Variants in YIPF1 observed in about 807,000 individuals in gnomAD.
YIPF1 encodes Yip1 domain family member 1.
YIPF1 carries 22 observed loss-of-function variants against 37.0 expected under a neutral mutation model. That is an observed-to-expected ratio of 0.59 (90% confidence interval 0.42 to 0.85). The LOEUF is 0.85. Among genes scored for constraint, YIPF1 ranks in the 40% least tolerant of loss-of-function variants. YIPF1 has a pLI of 0.00. For missense variants in YIPF1, 355 were observed against 373.1 expected, an observed-to-expected ratio of 0.95 and a Z score of 0.40; for synonymous variants, 128 against 131.9, an observed-to-expected ratio of 0.97 and a Z score of 0.21.
rs1381650919 is a variant in YIPF1 at position 53,889,458 on chromosome 1, C to G, written c.-264G>C. 6.4e-6 allele frequency: 1 copy of G among 156,618 alleles called. No homozygotes were observed. The highest frequency in any genetic ancestry group is 2.4e-5 in the African/African-American group (1 of 41,516). 9.7% of individuals were successfully genotyped at this position (156,618 alleles called of 1,614,324 possible). ...TGCGCGCTCCTCGCGGCCTCAGTTT[C>G]CTCATCTGTAAAATGGGTGCATAAC... On this transcript the variant is annotated 5_prime_UTR_variant, in exon 2 of 11. Coordinates refer to ENST00000072644, the MANE Select transcript of YIPF1 (RefSeq NM_018982.5).
At chr1:53,855,848 T>C (rs1649705622) in intron 10 of YIPF1, among the ~76,000 whole-genome samples, 1 of 152,198 alleles carries the variant, frequency 6.6e-6, no homozygotes, top group Admixed American at 6.5e-5. Context: ...AGCTCCCCTA[T>C]GATCCTGAGG....
intron 4 of YIPF1, 169 bp downstream of exon 4, chr1:53,882,944 G>A (rs903169113): frequency 1.1e-4 from 68 of 642,522 alleles, no homozygotes; most frequent in Admixed American, 9.4e-4. Flanking sequence ...TGTACTTACG[G>A]AAAGTAATGG....
chr1:53,887,756 G>A (rs1462592158), intron 3 of YIPF1, among the ~76,000 whole-genome samples: 2 of 152,188 alleles, frequency 1.3e-5, no homozygotes, highest in Non-Finnish European at 2.9e-5. Context: ...TTCAAATCCT[G>A]ATTTTATCCC....
chr1:53,857,189 C>T (rs1018131161), intron 10 of YIPF1, among the ~76,000 whole-genome samples: 40 of 152,360 alleles, frequency 2.6e-4, no homozygotes, highest in South Asian at 8.3e-4. Context: ...CCAGTCTAGA[C>T]TTCAGGTGAG....
chr1:53,864,252 C>A (rs527338465), intron 9 of YIPF1, among the ~76,000 whole-genome samples: 4 of 152,244 alleles, frequency 2.6e-5, no homozygotes, highest in Admixed American at 2.6e-4. Flanking sequence ...GAGAGTTGGT[C>A]ACAATGAAAA....
Position 53,853,736 on chromosome 1 carries a change from G to A in YIPF1, c.*9-1466C>T, listed in dbSNP as rs147842492. ...GAAAAGTGGCTGGAGAAAGCCAGAT[G>A]CTGTAATTTGCTGGCATGAAAGAAC... is the stretch of plus-strand genomic sequence containing the variant. On this transcript the variant is annotated intron_variant, in intron 10 of 10. Coordinates refer to ENST00000072644, the MANE Select transcript of YIPF1 (RefSeq NM_018982.5). 8.7e-3 allele frequency among the ~76,000 whole-genome samples: 1,332 copies of A among 152,300 alleles called. 26 individuals are homozygous for A. Among genetic ancestry groups the A allele is most frequent in the African/African-American group, 0.03 (1,248 of 41,542 alleles).
At chr1:53,882,650 A>C (rs1210993499) in intron 4 of YIPF1, among the ~76,000 whole-genome samples, 1 of 152,024 alleles carries the variant, frequency 6.6e-6, no homozygotes, top group Non-Finnish European at 1.5e-5. Context: ...GTAGAGGTGG[A>C]GTTTCACCAT....
chr1:53,877,979 G>A (rs1227512882), intron 6 of YIPF1, among the ~76,000 whole-genome samples: 1 of 152,158 alleles, frequency 6.6e-6, no homozygotes, highest in African/African-American at 2.4e-5. Context: ...ACAGGGTCTT[G>A]CTATGTTGCC....
At chr1:53,886,903 A>T (rs1047492079) in intron 3 of YIPF1, among the ~76,000 whole-genome samples, 16 of 151,928 alleles carry the variant, frequency 1.1e-4, no homozygotes, top group African/African-American at 3.6e-4. Context: ...TGTCCCACAC[A>T]GAAAGATGGC....
chr1:53,867,927 G>A (rs773822622), intron 7 of YIPF1, among the ~76,000 whole-genome samples: 1 of 152,204 alleles, frequency 6.6e-6, no homozygotes, highest in Non-Finnish European at 1.5e-5. Flanking sequence ...AGCACGCCCT[G>A]GAGGATTCCC....
chr1:53,881,061 G>A (rs1278836654), intron 4 of YIPF1, among the ~76,000 whole-genome samples: 1 of 151,848 alleles, frequency 6.6e-6, no homozygotes, highest in Non-Finnish European at 1.5e-5. Flanking sequence ...TAAGGAGTTC[G>A]AGACCAGCCT....
intron 6 of YIPF1, among the ~76,000 whole-genome samples, chr1:53,873,425 T>G (rs1212499397): frequency 2.0e-5 from 3 of 152,090 alleles, no homozygotes; most frequent in Non-Finnish European, 4.4e-5. Context: ...AAGCTTCAGG[T>G]CAGGAGTAGC....
chr1:53,889,051 T>C, intron 2 of YIPF1, 65 bp from the exon 3 acceptor site: 1 of 863,246 alleles, frequency 1.2e-6, no homozygotes, highest in Non-Finnish European at 1.9e-6. Flanking sequence ...ACAACTCTTA[T>C]GTATTAGAAA....
chr1:53,884,473 G>T (rs1650587979), intron 3 of YIPF1, among the ~76,000 whole-genome samples: 1 of 152,076 alleles, frequency 6.6e-6, no homozygotes, highest in African/African-American at 2.4e-5. Flanking sequence ...ATGTAAAATT[G>T]GGGATTATAC....
rs1650552368 is a variant in YIPF1 at position 53,883,236 on chromosome 1, A to G, written c.72T>C (p.Asp24=). 1 of 1,590,986 alleles carries G rather than the reference A, an allele frequency of 6.3e-7. No individual in the cohort carries two copies. The highest frequency in any genetic ancestry group is 1.7e-4 in the Middle Eastern group (1 of 6,002). The change falls in exon 4 of 11, where the codon GAT becomes GAC. Residue 24 remains aspartate, a synonymous_variant. Coordinates refer to ENST00000072644, the MANE Select transcript of YIPF1 (RefSeq NM_018982.5). ...NAATSLTANP[D]ATTVNIEDPG... ...GATCCTCAATGTTTACTGTGGTGGC[A>G]TCTGGGTTTGCTGTCAGAGAAGTGG... is the stretch of plus-strand genomic sequence containing the variant.
Position 53,871,339 on chromosome 1 carries a change from C to A in YIPF1, c.481+33G>T, listed in dbSNP as rs549345158. 5 of 1,582,096 alleles carry A rather than the reference C, an allele frequency of 3.2e-6. No individual in the cohort carries two copies. In the South Asian group the frequency reaches 5.6e-5, roughly 18 times the overall value. On this transcript the variant is annotated intron_variant, in intron 7 of 10. Coordinates refer to ENST00000072644, the MANE Select transcript of YIPF1 (RefSeq NM_018982.5). ...AAAAGAACTCAAAGCTAGAAACTGA[C>A]AGCATTCCAAATGAGTCAAGCTATT...
intron 4 of YIPF1, among the ~76,000 whole-genome samples, chr1:53,880,614 A>G (rs1191794991): frequency 6.6e-6 from 1 of 152,230 alleles, no homozygotes; most frequent in African/African-American, 2.4e-5. Context: ...GACAATCCTA[A>G]GCAAAAAGAA....
intron 4 of YIPF1, 129 bp downstream of exon 4, chr1:53,882,984 G>A: frequency 8.6e-6 from 9 of 1,045,022 alleles, no homozygotes; most frequent in Non-Finnish European, 1.1e-5. Context: ...CACCAAGGAA[G>A]AGGCCATGTG....
chr1:53,854,412 C>A (rs896250875), intron 10 of YIPF1, among the ~76,000 whole-genome samples: 1 of 152,218 alleles, frequency 6.6e-6, no homozygotes, highest in Admixed American at 6.5e-5. Flanking sequence ...CATCAGCCAG[C>A]ACTTCCTTAC....
Sources: allele counts gnomAD v4.1 joint callset (sites outside exome capture counted in the v4.1 genomes callset), GRCh38; gene constraint gnomAD v4.1.1; transcripts MANE v1.5; gene names NCBI Gene and HGNC (gene_info 2026-07-23, HGNC 2026-07-21).